RIMS2: variants seen among roughly 807,000 people sequenced by gnomAD.
RIMS2 encodes the protein regulating synaptic membrane exocytosis protein 2.
RIMS2 carries 59 observed loss-of-function variants against 174.4 expected under a neutral mutation model. The observed-to-expected ratio is 0.34, with a 90% CI of 0.27 to 0.42. The LOEUF (loss-of-function observed/expected upper bound fraction) is 0.42, where lower values mean the gene tolerates loss of function less well. RIMS2 is among the 10% of genes least tolerant of loss of function. RIMS2 has a pLI of 1.00. For synonymous variants in RIMS2, 606 were observed against 572.5 expected (o/e 1.06, Z -0.84); for missense variants, 1,620 against 1,666.3 (o/e 0.97, Z 0.48).
At chr8:103,984,223 A>C (rs533961397) in intron 16 of RIMS2, among the ~76,000 whole-genome samples, 1 of 152,206 alleles carries the variant, frequency 6.6e-6, no homozygotes, top group South Asian at 2.1e-4. Flanking sequence ...ATATCAAGTT[A>C]AAAAGCTTCT....
At chr8:103,623,810 A>G (rs1390554099) in intron 1 of RIMS2, among the ~76,000 whole-genome samples, 1 of 151,552 alleles carries the variant, frequency 6.6e-6, no homozygotes, top group Non-Finnish European at 1.5e-5. Context: ...TTTTTTTAAA[A>G]AGGAAGGAAC....
intron 3 of RIMS2, among the ~76,000 whole-genome samples, chr8:103,861,395 G>C (rs1379350574): frequency 6.6e-6 from 1 of 152,104 alleles, no homozygotes. Context: ...TGGACACTTA[G>C]GTTGATCCCA....
At chr8:103,999,354 T>A (rs540888079) in intron 17 of RIMS2, among the ~76,000 whole-genome samples, 1 of 151,716 alleles carries the variant, frequency 6.6e-6, no homozygotes, top group South Asian at 2.1e-4. Context: ...ATGATTGAAA[T>A]TTAGTGCCTT....
chr8:103,554,757 C>T (rs1849645824), intron 1 of RIMS2, among the ~76,000 whole-genome samples: 1 of 152,094 alleles, frequency 6.6e-6, no homozygotes, highest in Non-Finnish European at 1.5e-5. Context: ...CAGCACTACT[C>T]TCAATAGTAA....
At chr8:103,666,189 A>T (rs949236840) in intron 1 of RIMS2, among the ~76,000 whole-genome samples, 2 of 152,182 alleles carry the variant, frequency 1.3e-5, no homozygotes, top group African/African-American at 4.8e-5. Flanking sequence ...GAATAGCTGG[A>T]TGTGTTGCAG....
intron 21 of RIMS2, 78 bp downstream of exon 27, chr8:104,248,891 T>TTCTCTCTCTCTCTCTCTC (rs368851079): frequency 0.024 from 14,805 of 624,682 alleles, 235 homozygotes; most frequent in Non-Finnish European, 0.03. Context: ...TCATAGAATC[T>TTCTCTCTCTCTCTCTCTC]TCTCTCTCTC....
chr8:103,574,450 C>T (rs1289551438), intron 1 of RIMS2, among the ~76,000 whole-genome samples: 1 of 152,186 alleles, frequency 6.6e-6, no homozygotes, highest in Admixed American at 6.5e-5. Flanking sequence ...AACTCCTGCT[C>T]TAGTTTATTA....
At chr8:103,709,236 G>T (rs1245029450) in intron 2 of RIMS2, among the ~76,000 whole-genome samples, 1 of 151,738 alleles carries the variant, frequency 6.6e-6, no homozygotes, top group Non-Finnish European at 1.5e-5. Flanking sequence ...TTAAAAACAT[G>T]TAGAATACAG....
intron 1 of RIMS2, among the ~76,000 whole-genome samples, chr8:103,514,905 A>G (rs542003240): frequency 6.7e-6 from 1 of 149,100 alleles, no homozygotes; most frequent in East Asian, 1.9e-4. Context: ...CTCAAAAACA[A>G]CAACAACAAC....
intron 3 of RIMS2, among the ~76,000 whole-genome samples, chr8:103,818,473 G>A (rs572495599): frequency 2.0e-5 from 3 of 152,236 alleles, no homozygotes; most frequent in East Asian, 3.9e-4. Context: ...TGATGATGGG[G>A]TGGCTTTCCA....
chr8:104,106,672 A>G (rs2098073753), intron 19 of RIMS2, among the ~76,000 whole-genome samples: 1 of 152,036 alleles, frequency 6.6e-6, no homozygotes, highest in African/African-American at 2.4e-5. Flanking sequence ...TACTGTATGA[A>G]ATAATTACAG....
At chr8:103,917,618 A>T (rs1180783347) in intron 8 of RIMS2, among the ~76,000 whole-genome samples, 1 of 152,132 alleles carries the variant, frequency 6.6e-6, no homozygotes, top group Non-Finnish European at 1.5e-5. Context: ...CTTGTGTCAA[A>T]TCTCAAATAA....
chr8:103,631,294 G>C (rs940974539), intron 1 of RIMS2, among the ~76,000 whole-genome samples: 4 of 152,102 alleles, frequency 2.6e-5, no homozygotes, highest in Non-Finnish European at 4.4e-5. Context: ...GTTGATTGTT[G>C]TATACAGTGT....
intron 1 of RIMS2, among the ~76,000 whole-genome samples, chr8:103,546,189 T>C (rs940029083): frequency 6.6e-6 from 1 of 152,004 alleles, no homozygotes; most frequent in Non-Finnish European, 1.5e-5. Context: ...TGGAGAAAAA[T>C]CTACCAAGCA....
At chr8:104,192,129 T>C (rs1278660502) in intron 19 of RIMS2, among the ~76,000 whole-genome samples, 1 of 152,166 alleles carries the variant, frequency 6.6e-6, no homozygotes, top group Non-Finnish European at 1.5e-5. Flanking sequence ...CTGCAGGCAG[T>C]AGTGATAGGC....
intron 19 of RIMS2, chr8:104,094,783 A>G: frequency 1.7e-6 from 1 of 581,466 alleles, no homozygotes; most frequent in Non-Finnish European, 3.0e-6. Context: ...CTTTTTTACC[A>G]TTCCTAAAAA....
chr8:103,882,975 T>C (rs539348812), intron 3 of RIMS2, among the ~76,000 whole-genome samples: 2 of 151,756 alleles, frequency 1.3e-5, no homozygotes, highest in African/African-American at 4.8e-5. Flanking sequence ...TTAAATGTAT[T>C]ATGGGAAATC....
At chr8:104,140,505 A>G (rs1168612859) in intron 19 of RIMS2, among the ~76,000 whole-genome samples, 3 of 152,200 alleles carry the variant, frequency 2.0e-5, no homozygotes, top group Non-Finnish European at 4.4e-5. Context: ...CCACAGGGCC[A>G]AAGCTACCAT....
chr8:104,188,184 G>A (rs2098978106), intron 19 of RIMS2, among the ~76,000 whole-genome samples: 1 of 151,488 alleles, frequency 6.6e-6, no homozygotes. Flanking sequence ...GGAAGGCGAA[G>A]TAGGAATGAA....
Sources: allele counts gnomAD v4.1 joint callset (sites outside exome capture counted in the v4.1 genomes callset), GRCh38; gene constraint gnomAD v4.1.1; transcripts MANE v1.5; gene names NCBI Gene and HGNC (gene_info 2026-07-23, HGNC 2026-07-21).